The following LAMTOR1 variants were observed in gnomAD, a reference collection of about 807,000 sequenced individuals.
The protein encoded by LAMTOR1 is late endosomal/lysosomal adaptor, MAPK and MTOR activator 1.
LAMTOR1 carries 8 observed loss-of-function variants against 20.5 expected under a neutral mutation model. The observed-to-expected ratio is 0.39, with a 90% CI of 0.23 to 0.70. The LOEUF (loss-of-function observed/expected upper bound fraction) is 0.70. LAMTOR1 is among the 30% of genes least tolerant of loss of function. The pLI, the probability that LAMTOR1 is intolerant of heterozygous loss-of-function variation, is 0.43. For synonymous variants in LAMTOR1, 77 were observed against 80.9 expected, an observed-to-expected ratio of 0.95 and a Z score of 0.26; for missense variants, 135 against 206.2, an observed-to-expected ratio of 0.65 and a Z score of 2.11.
chr11:72,103,002 A>C (rs781477497), intron 1 of LAMTOR1, among the ~76,000 whole-genome samples, 181 bp downstream of exon 1: 1 of 152,182 alleles, frequency 6.6e-6, no homozygotes, highest in Non-Finnish European at 1.5e-5. Flanking sequence ...CTGTGTAGAA[A>C]TCTGGGGCTT....
intron 3 of LAMTOR1, 72 bp downstream of exon 3, chr11:72,098,709 T>C: frequency 8.5e-7 from 1 of 1,169,870 alleles, no homozygotes; most frequent in Non-Finnish European, 1.2e-6. Context: ...GGGGCCAGGC[T>C]CCAAAGCTGG....
rs955925839 is a variant in LAMTOR1 at position 72,097,671 on chromosome 11, C to G, written c.*151G>C. 9 of 1,518,970 alleles carry G rather than the reference C, an allele frequency of 5.9e-6. No homozygotes were observed. Among genetic ancestry groups the G allele is most frequent in the Non-Finnish European group, 7.9e-6 (9 of 1,133,520 alleles). 94.1% of individuals were successfully genotyped at this position (1,518,970 alleles called of 1,614,324 possible). On this transcript the variant is annotated 3_prime_UTR_variant, in exon 5 of 5. Coordinates refer to ENST00000278671, the MANE Select transcript of LAMTOR1 (RefSeq NM_017907.3). Reference sequence around the variant, plus strand: ...GTTCTACCCTCACTTGCTCAGGCTTCTAGCCTTCCTCTTCTCCTCCTTCTT... The same window carrying G: ...GTTCTACCCTCACTTGCTCAGGCTTGTAGCCTTCCTCTTCTCCTCCTTCTT...
intron 1 of LAMTOR1, among the ~76,000 whole-genome samples, chr11:72,099,749 C>G (rs2135159227): frequency 6.6e-6 from 1 of 152,302 alleles, no homozygotes; most frequent in South Asian, 2.1e-4. Flanking sequence ...CCAGACAAAG[C>G]CCTAGGCCCC....
rs1000886750 is a variant in LAMTOR1, at chr11:72,097,314, C to T, written c.*508G>A. ...ACATGGATGAATATACTTCCTTTAT[C>T]GAGGGTGACAAACCAAAACAAAAAA... is the stretch of plus-strand genomic sequence containing the variant. On this transcript the variant is annotated 3_prime_UTR_variant, in exon 5 of 5. Transcript: ENST00000278671. 3.0e-6 allele frequency: 3 copies of T among 994,612 alleles called. No individual in the cohort carries two copies. The highest frequency in any genetic ancestry group is 1.7e-5 in the African/African-American group (1 of 57,328). 61.6% of individuals were successfully genotyped at this position (994,612 alleles called of 1,614,324 possible).
chr11:72,097,690 C>A lies in LAMTOR1; in HGVS notation c.*132G>T. On this transcript the variant is annotated 3_prime_UTR_variant, in exon 5 of 5. Transcript: ENST00000278671. ...AGGCTTCTAGCCTTCCTCTTCTCCT[C>A]CTTCTTCACATTTTTCTCTGTGATT... 2 of 1,551,042 alleles carry A rather than the reference C, an allele frequency of 1.3e-6. No homozygotes were observed. Among genetic ancestry groups the A allele is most frequent in the African/African-American group, 2.7e-5 (2 of 73,480 alleles).
In LAMTOR1 at chr11:72,097,573, A is replaced by G. The variant is rs898291501; in HGVS notation, c.*249T>C. ...TATCTCCACATTCTCAATGACTATG[A>G]AGACATACCAGGCTCTGTCCTTTTG... On this transcript the variant is annotated 3_prime_UTR_variant, in exon 5 of 5. Coordinates refer to ENST00000278671, the MANE Select transcript of LAMTOR1 (RefSeq NM_017907.3). The G allele has an allele frequency of 1.2e-5, 16 of 1,315,684 alleles. No homozygotes were observed. The highest frequency in any genetic ancestry group is 5.6e-4 in the Middle Eastern group (2 of 3,558). The allele number at this position is 1,315,684 out of a possible 1,614,324, so 81.5% of individuals were successfully genotyped here. A position where few individuals can be genotyped will look rare whatever the true frequency, so the allele number is the denominator to read the frequency against.
chr11:72,097,935 G>A (rs746575959), intron 4 of LAMTOR1, 21 bp from the exon 5 acceptor site: 2 of 1,571,974 alleles, frequency 1.3e-6, no homozygotes, highest in Non-Finnish European at 1.7e-6. Context: ...GAGGGGCCGG[G>A]GAGGAGAGGA....
At chr11:72,101,668 G>A (rs537503418) in intron 1 of LAMTOR1, among the ~76,000 whole-genome samples, 59 of 152,304 alleles carry the variant, frequency 3.9e-4, no homozygotes, top group Non-Finnish European at 8.1e-4. Context: ...AACTCAAAGA[G>A]GGACTGTGGG....
intron 1 of LAMTOR1, among the ~76,000 whole-genome samples, chr11:72,102,391 G>A (rs185935344): frequency 2.6e-5 from 4 of 152,294 alleles, no homozygotes; most frequent in East Asian, 3.9e-4. Flanking sequence ...GAGGAAGAGG[G>A]AGAATTTAAA....
rs1305468469 is a variant in LAMTOR1 at position 72,097,830 on chromosome 11, T to A, written c.478A>T (p.Ile160Phe). ...TCCAAGGACCCCTCTCTTCATGGGA[T>A]CCCAAACTGTACAACCAGCTCCTCT... The part of the protein sequence containing the change: ...AKEELVVQFG[I>F]P Residue 160 changes from isoleucine (I) to phenylalanine (F), a missense_variant, in exon 5 of 5, where the codon ATC (isoleucine) becomes TTC (phenylalanine). Ile to Phe is a conservative substitution (Grantham distance 21). Transcript: ENST00000278671. The A allele has an allele frequency of 6.2e-7, 1 of 1,613,816 alleles. No homozygotes were observed. The highest frequency in any genetic ancestry group is 8.5e-7 in the Non-Finnish European group (1 of 1,179,910).
At chr11:72,099,298 A>C in intron 1 of LAMTOR1, 42 bp from the exon 2 acceptor site, 1 of 1,511,850 alleles carries the variant, frequency 6.6e-7, no homozygotes, top group Non-Finnish European at 8.9e-7. Flanking sequence ...CAGGACCCGT[A>C]GATCCTGCCT....
At chr11:72,101,116 A>G (rs1945420950) in intron 1 of LAMTOR1, among the ~76,000 whole-genome samples, 1 of 152,032 alleles carries the variant, frequency 6.6e-6, no homozygotes, top group African/African-American at 2.4e-5. Flanking sequence ...GGGTTCTTCA[A>G]GAAGAAGGTT....
chr11:72,103,136 C>T (rs1945511898), intron 1 of LAMTOR1, 47 bp downstream of exon 1: 1 of 1,566,640 alleles, frequency 6.4e-7, no homozygotes, highest in Non-Finnish European at 8.7e-7. Flanking sequence ...GCCCCATGCC[C>T]CAGTGTCTTA....
chr11:72,102,251 G>T (rs1446500395), intron 1 of LAMTOR1, among the ~76,000 whole-genome samples: 1 of 152,210 alleles, frequency 6.6e-6, no homozygotes, highest in Non-Finnish European at 1.5e-5. Context: ...TCTACTATAT[G>T]TTCAAATGTA....
chr11:72,100,037 A>AG (rs1945382032), intron 1 of LAMTOR1, among the ~76,000 whole-genome samples: 1 of 152,098 alleles, frequency 6.6e-6, no homozygotes, highest in Non-Finnish European at 1.5e-5. Context: ...CCAAGGCAGA[A>AG]GGATTGCTTG....
chr11:72,099,326 T>C (rs2135157906), intron 1 of LAMTOR1, 70 bp from the exon 2 acceptor site: 1 of 1,488,720 alleles, frequency 6.7e-7, no homozygotes, highest in Non-Finnish European at 9.0e-7. Context: ...GTGCTACCCT[T>C]AGCCCAGCTC....
Position 72,097,653 on chromosome 11 carries a change from C to A in LAMTOR1, c.*169G>T. ...AAAGGCCAGTCCCAAAAGGTTCTAC[C>A]CTCACTTGCTCAGGCTTCTAGCCTT... On this transcript the variant is annotated 3_prime_UTR_variant, in exon 5 of 5. Coordinates refer to ENST00000278671, the MANE Select transcript of LAMTOR1 (RefSeq NM_017907.3). The A allele has an allele frequency of 6.8e-7, 1 of 1,468,916 alleles. No individual in the cohort carries two copies. Among genetic ancestry groups the A allele is most frequent in the East Asian group, 2.4e-5 (1 of 41,098 alleles). The allele number at this position is 1,468,916 out of a possible 1,614,324, so 91.0% of individuals were successfully genotyped here. A position where few individuals can be genotyped will look rare whatever the true frequency, so the allele number is the denominator to read the frequency against.
intron 4 of LAMTOR1, 111 bp from the exon 5 acceptor site, chr11:72,098,025 G>C: frequency 3.8e-6 from 5 of 1,314,564 alleles, no homozygotes; most frequent in Admixed American, 2.3e-5. Context: ...GAATGAAGGG[G>C]AACAGGAAGG....
chr11:72,098,672 G>C (rs1945325205), intron 3 of LAMTOR1, 109 bp downstream of exon 3: 13 of 870,740 alleles, frequency 1.5e-5, no homozygotes, highest in African/African-American at 3.4e-5. Flanking sequence ...AGTCTCCAGG[G>C]CTGCACCAAA....
Sources: gnomAD v4.1 joint callset for allele counts (sites outside exome capture counted in the v4.1 genomes callset) on GRCh38, gnomAD v4.1.1 for gene constraint, MANE v1.5 for transcripts, NCBI Gene and HGNC (gene_info 2026-07-23, HGNC 2026-07-21) for gene names.